AMBRA1: variants seen among roughly 807,000 people sequenced by gnomAD.
AMBRA1 encodes autophagy and beclin 1 regulator 1.
AMBRA1 carries 47 observed loss-of-function variants against 125.4 expected under a neutral mutation model. That is an observed-to-expected ratio of 0.37 (90% CI 0.30 to 0.48). The LOEUF (loss-of-function observed/expected upper bound fraction) is 0.48, where lower values mean the gene tolerates loss of function less well. Ranked by LOEUF, AMBRA1 falls within the 20% of genes least tolerant of loss-of-function variation. The probability of loss-of-function intolerance (pLI) is 0.99; values close to 1 mark genes in which losing one functional copy is unlikely to be tolerated. For synonymous variants in AMBRA1, 626 were observed against 655.5 expected, an observed-to-expected ratio of 0.95 and a Z score of 0.69; for missense variants, 1,331 against 1,693.4, an observed-to-expected ratio of 0.79 and a Z score of 3.76.
Position 46,543,213 on chromosome 11 carries a change from G to A in AMBRA1, c.804C>T (p.Pro268=), listed in dbSNP as rs917227649. The A allele has an allele frequency of 2.5e-6, 4 of 1,607,042 alleles. No homozygotes were observed. In the African/African-American group the frequency reaches 4.0e-5, roughly 16 times the overall value. ...GCTGAGGGGGAGGCGGTGGGGGTGAGGGGGTAGCAGAATCTTGCACTGTGC... is the reference window on the plus strand; with the variant it reads ...GCTGAGGGGGAGGCGGTGGGGGTGAAGGGGTAGCAGAATCTTGCACTGTGC... The part of the protein sequence containing the change: ...EQSTVQDSAT[P]SPPPPPPQPS... Residue 268 remains proline, a synonymous_variant, in exon 7 of 18, where the codon CCC becomes CCT. Coordinates refer to ENST00000683756, the MANE Select transcript of AMBRA1 (RefSeq NM_001387011.1).
intron 1 of AMBRA1, among the ~76,000 whole-genome samples, chr11:46,578,358 G>A (rs114880741): frequency 0.016 from 2,468 of 151,054 alleles, 67 homozygotes; most frequent in African/African-American, 0.057. Flanking sequence ...GTGGTCATGT[G>A]CGCTTGTAAT....
At chr11:46,511,104 T>A (rs1002266706) in intron 8 of AMBRA1, among the ~76,000 whole-genome samples, 4 of 152,192 alleles carry the variant, frequency 2.6e-5, no homozygotes, top group East Asian at 1.9e-4. Flanking sequence ...GGAGGATAAA[T>A]CATGGTCGTT....
chr11:46,482,543 G>A (rs1369450951), intron 11 of AMBRA1, among the ~76,000 whole-genome samples: 2 of 152,142 alleles, frequency 1.3e-5, no homozygotes, highest in African/African-American at 4.8e-5. Flanking sequence ...TCCCTCACAT[G>A]TTTACTGTGC....
At chr11:46,485,000 C>T (rs578244467) in intron 11 of AMBRA1, among the ~76,000 whole-genome samples, 21 of 151,092 alleles carry the variant, frequency 1.4e-4, no homozygotes, top group Middle Eastern at 3.5e-3. Context: ...TGCAATGGCG[C>T]GATCTCAGCT....
At chr11:46,497,023 A>G (rs1565219817) in intron 9 of AMBRA1, among the ~76,000 whole-genome samples, 1 of 152,068 alleles carries the variant, frequency 6.6e-6, no homozygotes, top group Non-Finnish European at 1.5e-5. Context: ...AAGACACAAG[A>G]ATCGCTTGAA....
intron 1 of AMBRA1, among the ~76,000 whole-genome samples, chr11:46,578,226 C>A (rs1338987082): frequency 6.6e-6 from 1 of 152,136 alleles, no homozygotes; most frequent in African/African-American, 2.4e-5. Context: ...GTGGCTCACA[C>A]CTGTAATCCC....
intron 17 of AMBRA1, among the ~76,000 whole-genome samples, chr11:46,399,366 G>A (rs1945609322): frequency 6.6e-6 from 1 of 152,028 alleles, no homozygotes. Flanking sequence ...GAGCCACCGT[G>A]CCCAGCCTTT....
At chr11:46,415,513 A>C (rs535709655) in intron 15 of AMBRA1, among the ~76,000 whole-genome samples, 1 of 152,308 alleles carries the variant, frequency 6.6e-6, no homozygotes, top group South Asian at 2.1e-4. Context: ...GCCTCAGAGG[A>C]GTCTTAACTT....
chr11:46,458,731 G>C (rs1171415838), intron 11 of AMBRA1, among the ~76,000 whole-genome samples: 1 of 152,090 alleles, frequency 6.6e-6, no homozygotes, highest in Non-Finnish European at 1.5e-5. Context: ...TGAGTAGCTG[G>C]GACTAAAAGC....
intron 7 of AMBRA1, among the ~76,000 whole-genome samples, chr11:46,519,224 A>G (rs1951653406): frequency 6.6e-6 from 1 of 152,108 alleles, no homozygotes; most frequent in Admixed American, 6.5e-5. Context: ...GGATTTCACC[A>G]TGTTGTCCAG....
chr11:46,425,382 GATTAT>G (rs1044728575), intron 14 of AMBRA1, among the ~76,000 whole-genome samples: 3 of 151,058 alleles, frequency 2.0e-5, no homozygotes, highest in Non-Finnish European at 4.4e-5. Flanking sequence ...TCAGGACAGG[GATTAT>G]ATTAAATACT....
intron 1 of AMBRA1, among the ~76,000 whole-genome samples, chr11:46,581,927 G>A (rs1669761664): frequency 6.6e-6 from 1 of 151,620 alleles, no homozygotes; most frequent in South Asian, 2.1e-4. Flanking sequence ...GATCAGCCTA[G>A]GCAACATAGT....
At chr11:46,507,953 T>TG (rs888783617) in intron 9 of AMBRA1, among the ~76,000 whole-genome samples, 12 of 152,332 alleles carry the variant, frequency 7.9e-5, no homozygotes, top group African/African-American at 2.9e-4. Flanking sequence ...CAATCTGGCC[T>TG]GGGGCCCAAT....
chr11:46,443,813 A>G (rs1258548223), intron 11 of AMBRA1, among the ~76,000 whole-genome samples: 1 of 152,236 alleles, frequency 6.6e-6, no homozygotes, highest in Non-Finnish European at 1.5e-5. Flanking sequence ...ATATAATCCC[A>G]TTCATCAGTC....
intron 9 of AMBRA1, among the ~76,000 whole-genome samples, chr11:46,500,192 A>G (rs1311399067): frequency 6.6e-6 from 1 of 152,212 alleles, no homozygotes; most frequent in Non-Finnish European, 1.5e-5. Context: ...AGTGATCTCA[A>G]TGCCAGTCAC....
At position 46,417,752 on chromosome 11, in the gene AMBRA1, A is replaced by G. The variant is rs575940761; in HGVS notation, c.3116+161T>C. Among the ~76,000 whole-genome samples the G allele has an allele frequency of 2.6e-5, 4 of 152,338 alleles. No individual in the cohort carries two copies. The East Asian group carries it at 7.7e-4, about 29-fold the overall frequency. ...TGTGAAATGGGGAGCTAATCCTACC[A>G]GCCCCTGTGGGAAGAGGGCCCTTTA... is the stretch of plus-strand genomic sequence containing the variant. On this transcript the variant is annotated intron_variant, in intron 15 of 17. Coordinates refer to ENST00000683756, the MANE Select transcript of AMBRA1 (RefSeq NM_001387011.1).
chr11:46,562,394 G>A (rs2135242798), intron 1 of AMBRA1, among the ~76,000 whole-genome samples: 1 of 152,346 alleles, frequency 6.6e-6, no homozygotes, highest in South Asian at 2.1e-4. Flanking sequence ...ATTTTATTAA[G>A]TGTAATGGGT....
chr11:46,588,479 T>A, intron 1 of AMBRA1, among the ~76,000 whole-genome samples: 1 of 152,018 alleles, frequency 6.6e-6, no homozygotes. Flanking sequence ...TGTAATCAAC[T>A]TAAGTATTAT....
intron 1 of AMBRA1, among the ~76,000 whole-genome samples, chr11:46,556,144 G>GAC: frequency 6.6e-6 from 1 of 152,292 alleles, no homozygotes; most frequent in East Asian, 1.9e-4. Context: ...GTACTCTTTG[G>GAC]AAACTCCATA....
Sources: allele counts gnomAD v4.1 joint callset (sites outside exome capture counted in the v4.1 genomes callset), GRCh38; gene constraint gnomAD v4.1.1; transcripts MANE v1.5; gene names NCBI Gene and HGNC (gene_info 2026-07-23, HGNC 2026-07-21).